PALLD: variants seen among roughly 807,000 people sequenced by gnomAD.
PALLD encodes the protein palladin.
Under a neutral mutation model 123.5 loss-of-function variants are expected in PALLD, and 61 were observed. The observed-to-expected ratio is 0.49, with a 90% CI of 0.40 to 0.61. The LOEUF (loss-of-function observed/expected upper bound fraction) is 0.61, where lower values mean the gene tolerates loss of function less well. PALLD is among the 20% of genes least tolerant of loss of function. The probability of loss-of-function intolerance (pLI) is 0.00; values close to 1 mark genes in which losing one functional copy is unlikely to be tolerated. For missense variants in PALLD, 1,273 were observed against 1,377.0 expected (o/e 0.92, Z 1.20); for synonymous variants, 465 against 496.4 (o/e 0.94, Z 0.84).
chr4:168,804,255 T>C (rs1273717071), intron 10 of PALLD, among the ~76,000 whole-genome samples: 1 of 152,186 alleles, frequency 6.6e-6, no homozygotes, highest in Non-Finnish European at 1.5e-5. Flanking sequence ...ACTTCACAAC[T>C]CATTAGTGAG....
At chr4:168,786,935 A>G (rs1352098871) in intron 10 of PALLD, among the ~76,000 whole-genome samples, 1 of 152,210 alleles carries the variant, frequency 6.6e-6, no homozygotes, top group Non-Finnish European at 1.5e-5. Flanking sequence ...AAACATCCCA[A>G]TGGGAGGTTA....
chr4:168,796,204 T>C (rs1738479789), intron 10 of PALLD, among the ~76,000 whole-genome samples: 1 of 152,200 alleles, frequency 6.6e-6, no homozygotes, highest in Non-Finnish European at 1.5e-5. Context: ...CCCCCCACTG[T>C]CCTTCCCAGC....
At chr4:168,540,016 C>A (rs1765464492) in intron 2 of PALLD, among the ~76,000 whole-genome samples, 1 of 151,842 alleles carries the variant, frequency 6.6e-6, no homozygotes, top group African/African-American at 2.4e-5. Context: ...ATCTTTATGT[C>A]CATGTCATAC....
chr4:168,560,969 A>G (rs1767801929), intron 2 of PALLD, among the ~76,000 whole-genome samples: 1 of 152,206 alleles, frequency 6.6e-6, no homozygotes, highest in Non-Finnish European at 1.5e-5. Context: ...GTTGCCTGCA[A>G]TAATAGAGGA....
At chr4:168,871,085 G>T (rs1581841584) in intron 10 of PALLD, among the ~76,000 whole-genome samples, 1 of 152,268 alleles carries the variant, frequency 6.6e-6, no homozygotes, top group East Asian at 1.9e-4. Context: ...GTAGATAATG[G>T]TTATTTGTTT....
At chr4:168,893,774 A>G (rs922892992) in intron 11 of PALLD, among the ~76,000 whole-genome samples, 8 of 152,236 alleles carry the variant, frequency 5.3e-5, no homozygotes, top group Admixed American at 2.6e-4. Flanking sequence ...TAAGAATGGC[A>G]TAGGTAAAAC....
At chr4:168,780,926 G>A (rs7656866) in intron 10 of PALLD, among the ~76,000 whole-genome samples, 48,696 of 151,992 alleles carry the variant, frequency 0.32, 8,282 homozygotes, top group East Asian at 0.57. Context: ...GACCTTAGGT[G>A]ATCTGCCCAC....
chr4:168,733,718 T>TTTG (rs1157931314), intron 10 of PALLD, among the ~76,000 whole-genome samples: 2 of 151,952 alleles, frequency 1.3e-5, no homozygotes, highest in South Asian at 4.2e-4. Context: ...AGAAATGTTT[T>TTTG]TTGTTGTTGT....
intron 2 of PALLD, among the ~76,000 whole-genome samples, chr4:168,524,398 G>C (rs1763852543): frequency 6.6e-6 from 1 of 152,130 alleles, no homozygotes; most frequent in Non-Finnish European, 1.5e-5. Context: ...CAATTGTCCA[G>C]TTACTGGTAG....
At chr4:168,672,211 C>A (rs1467369423) in intron 3 of PALLD, among the ~76,000 whole-genome samples, 2 of 152,138 alleles carry the variant, frequency 1.3e-5, no homozygotes, top group Non-Finnish European at 2.9e-5. Flanking sequence ...ATTAGCATAT[C>A]CATCATCTCA....
In PALLD at chr4:168,744,316, A is replaced by G. The variant is rs114914669; in HGVS notation, c.1964+32393A>G. On this transcript the variant is annotated intron_variant, in intron 10 of 21. Transcript: ENST00000505667. Reference sequence around the variant, plus strand: ...TTTGTATTGAGTCAGCTTGCTTAGGAATATAGATCAGTGAGACTAAAGTAT... The same window carrying G: ...TTTGTATTGAGTCAGCTTGCTTAGGGATATAGATCAGTGAGACTAAAGTAT... Among the ~76,000 whole-genome samples the G allele has an allele frequency of 5.7e-3, 865 of 152,242 alleles. 7 individuals are homozygous for G. The highest frequency in any genetic ancestry group is 0.019 in the African/African-American group (806 of 41,538).
At chr4:168,892,714 C>T (rs1754321385) in intron 11 of PALLD, among the ~76,000 whole-genome samples, 1 of 151,158 alleles carries the variant, frequency 6.6e-6, no homozygotes, top group East Asian at 1.9e-4. Context: ...CCAGGTAAGG[C>T]ATCACTCCAG....
At chr4:168,806,260 C>T (rs1740175787) in intron 10 of PALLD, among the ~76,000 whole-genome samples, 1 of 152,192 alleles carries the variant, frequency 6.6e-6, no homozygotes, top group Non-Finnish European at 1.5e-5. Flanking sequence ...GACAGGGTTT[C>T]ACCACATTGG....
chr4:168,595,943 AG>A (rs1454754077), intron 2 of PALLD, among the ~76,000 whole-genome samples: 9 of 147,174 alleles, frequency 6.1e-5, no homozygotes, highest in East Asian at 2.0e-4. Context: ...AAAATTGAAA[AG>A]GAAAAAAAAA....
At chr4:168,553,395 A>G (rs1766944229) in intron 2 of PALLD, among the ~76,000 whole-genome samples, 1 of 152,244 alleles carries the variant, frequency 6.6e-6, no homozygotes, top group South Asian at 2.1e-4. Context: ...TTCATTTATA[A>G]GAGTCATTAA....
intron 10 of PALLD, among the ~76,000 whole-genome samples, chr4:168,759,943 G>A (rs1381665623): frequency 6.6e-6 from 1 of 151,924 alleles, no homozygotes; most frequent in Non-Finnish European, 1.5e-5. Context: ...AATCCCAGCT[G>A]CTGGGGAGGC....
At chr4:168,529,301 C>T (rs561141874) in intron 2 of PALLD, among the ~76,000 whole-genome samples, 1 of 151,550 alleles carries the variant, frequency 6.6e-6, no homozygotes, top group African/African-American at 2.4e-5. Context: ...TGTGCCACTG[C>T]ACTCCAGCCT....
At chr4:168,788,302 C>G (rs1373334671) in intron 10 of PALLD, among the ~76,000 whole-genome samples, 1 of 152,050 alleles carries the variant, frequency 6.6e-6, no homozygotes, top group Non-Finnish European at 1.5e-5. Context: ...ATTCTACTTT[C>G]TTTGTGTTTA....
chr4:168,916,359 A>G (rs541659949), intron 17 of PALLD, among the ~76,000 whole-genome samples: 1 of 152,248 alleles, frequency 6.6e-6, no homozygotes, highest in South Asian at 2.1e-4. Flanking sequence ...TATGTGAGCT[A>G]TGATCGAGCC....
Sources: allele counts gnomAD v4.1 joint callset (sites outside exome capture counted in the v4.1 genomes callset), GRCh38; gene constraint gnomAD v4.1.1; transcripts MANE v1.5; gene names NCBI Gene and HGNC (gene_info 2026-07-23, HGNC 2026-07-21).